Variants in CACNA1H observed in about 807,000 individuals in gnomAD.
The protein encoded by CACNA1H is voltage-dependent T-type calcium channel subunit alpha-1H.
A neutral mutation model predicts 192.5 loss-of-function variants in CACNA1H; 149 were observed. The ratio of observed to expected loss-of-function variants is 0.77; its 90% CI spans 0.68 to 0.89. The LOEUF (loss-of-function observed/expected upper bound fraction) is 0.89. Among genes scored for constraint, CACNA1H ranks in the 40% least tolerant of loss-of-function variants. The pLI, the probability that CACNA1H is intolerant of heterozygous loss-of-function variation, is 0.00. For missense variants in CACNA1H, 4,257 were observed against 3,423.5 expected (o/e 1.24, Z -6.08); for synonymous variants, 2,202 against 1,475.2 (o/e 1.49, Z -11.29).
chr16:1,158,885 C>A (rs1435293290), intron 2 of CACNA1H, among the ~76,000 whole-genome samples: 1 of 151,954 alleles, frequency 6.6e-6, no homozygotes, highest in Non-Finnish European at 1.5e-5. Flanking sequence ...CGCAGGGCCC[C>A]CGCTCAGCCC....
intron 2 of CACNA1H, among the ~76,000 whole-genome samples, chr16:1,182,234 A>C (rs934638468): frequency 3.1e-4 from 47 of 152,238 alleles, no homozygotes; most frequent in African/African-American, 1.0e-3. Context: ...GCCTCAGCCC[A>C]CCTGGGTGCA....
intron 2 of CACNA1H, among the ~76,000 whole-genome samples, chr16:1,187,250 CA>C (rs1180993669): frequency 6.6e-6 from 1 of 152,234 alleles, no homozygotes; most frequent in Non-Finnish European, 1.5e-5. Flanking sequence ...GCAGAGCGGA[CA>C]GGGAGGGAGC....
chr16:1,158,376 A>G (rs1206097433), intron 2 of CACNA1H, among the ~76,000 whole-genome samples: 1 of 151,312 alleles, frequency 6.6e-6, no homozygotes, highest in Admixed American at 6.6e-5. Context: ...ACGACAGGGT[A>G]GGGGGTCCGC....
rs569613021 is a variant in CACNA1H, at chr16:1,183,424, G to A, written c.300-11548G>A. On this transcript the variant is annotated intron_variant, in intron 2 of 34. Transcript: ENST00000348261. ...CCTCCTGGCCCCTCCCCCCAGCCCT[G>A]ACCGGGCTTCCTCCTCCCTTGTCTC... is the stretch of plus-strand genomic sequence containing the variant. Among the ~76,000 whole-genome samples the A allele has an allele frequency of 2.8e-3, 424 of 152,290 alleles. 1 individual carries two copies. The highest frequency in any genetic ancestry group is 4.3e-3 in the Non-Finnish European group (295 of 67,984).
Position 1,211,282 on chromosome 16 carries a change from T to C in CACNA1H, c.4338T>C (p.Ile1446=), listed in dbSNP as rs4984637. ...ICCAFFIIFG[I]LGVQLFKGKF... ...GCGCCTTCTTCATCATTTTTGGCAT[T>C]TTGGGTGTGCAGGTGTGTGGCCCCC... is the stretch of plus-strand genomic sequence containing the variant. The change falls in exon 22 of 35, where the codon ATT becomes ATC. Residue 1446 remains isoleucine (I), a synonymous_variant. Transcript: ENST00000348261. 0.83 allele frequency: 1,333,299 copies of C among 1,612,988 alleles called. 553,382 individuals are homozygous for C. Among genetic ancestry groups the C allele is most frequent in the East Asian group, 1 (44,831 of 44,866 alleles).
rs1302874992 is a variant in CACNA1H at position 1,189,477 on chromosome 16, C to G, written c.300-5495C>G. On this transcript the variant is annotated intron_variant, in intron 2 of 34. Transcript: ENST00000348261. ...CGTCACCCAGCCTGGAGTGCAGTGG[C>G]ACGATCGTGGCTCACTGTAGCTTCC... Among the ~76,000 whole-genome samples the G allele has an allele frequency of 2.2e-5, 3 of 133,980 alleles. No individual in the cohort carries two copies. The Admixed American group carries it at 2.6e-4, about 12-fold the overall frequency. 87.9% of individuals were successfully genotyped at this position (133,980 alleles called of 152,430 possible).
Position 1,218,586 on chromosome 16 carries a change from C to T in CACNA1H, c.5822C>T (p.Ser1941Leu), listed in dbSNP as rs1291910282. ...ATGTTCAGGCCCGTGGTGCCTGCCT[C>T]GGCGCCCCACCCCCGCCCGCTGCAG... ...SYMFRPVVPA[S>L]APHPRPLQEV... Residue 1941 changes from serine to leucine, a missense_variant, in exon 33 of 35, where the codon TCG becomes TTG. Transcript: ENST00000348261. 22 of 1,565,424 alleles carry T rather than the reference C, an allele frequency of 1.4e-5. No homozygotes were observed. Among genetic ancestry groups the T allele is most frequent in the East Asian group, 2.4e-5 (1 of 42,300 alleles).
At position 1,194,954 on chromosome 16, in the gene CACNA1H, C is replaced by CA; in HGVS notation, c.300-18_300-17insA. 6.3e-7 allele frequency: 1 copy of CA among 1,591,344 alleles called. No individual in the cohort carries two copies. On this transcript the variant is annotated splice_polypyrimidine_tract_variant and intron_variant, in intron 2 of 34. Transcript: ENST00000348261. ...GGTCCCGGGCCGCGCCGGTGTGCTC[C>CA]TTAACCCGCGGCGACACATGGTTCG...
At chr16:1,165,215 A>T (rs1963635813) in intron 2 of CACNA1H, among the ~76,000 whole-genome samples, 1 of 152,120 alleles carries the variant, frequency 6.6e-6, no homozygotes, top group Admixed American at 6.5e-5. Context: ...CAGAGAGCAC[A>T]CGAGGCACAG....
In CACNA1H at chr16:1,220,800, C is replaced by G. The variant is rs1970426309; in HGVS notation, c.6868C>G (p.Pro2290Ala). 3.1e-6 allele frequency: 5 copies of G among 1,612,648 alleles called. No homozygotes were observed. The highest frequency in any genetic ancestry group is 2.7e-5 in the African/African-American group (2 of 74,910). The change falls in exon 35 of 35, where the codon CCA becomes GCA. Residue 2290 changes from proline to alanine, a missense_variant. Pro to Ala is a conservative substitution (Grantham distance 27). Transcript: ENST00000348261. ...PFLDGSHSVT[P>A]ESRASSSGAI... is the part of the protein sequence containing the mutation. ...CTTGGACGGTAGCCACAGTGTGACC[C>G]CAGAATCCAGAGCTTCCTCTTCAGG...
chr16:1,175,036 G>A (rs1481090700), intron 2 of CACNA1H, among the ~76,000 whole-genome samples: 1 of 152,000 alleles, frequency 6.6e-6, no homozygotes, highest in Non-Finnish European at 1.5e-5. Context: ...CAGCTAGGTG[G>A]TGGCTCCGTG....
At chr16:1,206,958 A>T (rs764091786) in intron 12 of CACNA1H, 43 bp from the exon 13 acceptor site, 14 of 557,478 alleles carry the variant, frequency 2.5e-5, no homozygotes, top group Non-Finnish European at 3.4e-5. Flanking sequence ...CGCTCAGCAC[A>T]CCCCTGCCTC....
intron 12 of CACNA1H, chr16:1,206,716 C>T (rs936018549): frequency 1.7e-5 from 8 of 469,838 alleles, no homozygotes; most frequent in African/African-American, 1.6e-4. Context: ...GGCAGGTGTC[C>T]CAGGTTCCAG....
At position 1,215,337 on chromosome 16, in the gene CACNA1H, CCAT is replaced by C. The variant is rs1335523125; in HGVS notation, c.5140_5142del (p.Ile1714del). On this transcript the variant is annotated inframe_deletion, in exon 29 of 35. Transcript: ENST00000348261. ...AGCGCCGCGCTGCCCATCAACCCCACCATCATCCGCATCATGCGCGTGCTTCGC... is the reference window on the plus strand; with the variant it reads ...AGCGCCGCGCTGCCCATCAACCCCACCATCCGCATCATGCGCGTGCTTCGC... The C allele has an allele frequency of 1.2e-6, 2 of 1,611,998 alleles. No individual in the cohort carries two copies. Among genetic ancestry groups the C allele is most frequent in the African/African-American group, 2.7e-5 (2 of 74,924 alleles).
chr16:1,200,687 G>T lies in CACNA1H; in HGVS notation c.1120-29G>T, dbSNP rs575226771. The T allele has an allele frequency of 3.2e-6, 5 of 1,566,306 alleles. No individual in the cohort carries two copies. The African/African-American group carries it at 4.1e-5, about 13-fold the overall frequency. Reference sequence around the variant, plus strand: ...CGGGGAGGAGGAGGAGGGGTCGTGCGGGCCCAAGTCAAGCCACTGCCCCCC... The same window carrying T: ...CGGGGAGGAGGAGGAGGGGTCGTGCTGGCCCAAGTCAAGCCACTGCCCCCC... On this transcript the variant is annotated intron_variant, in intron 7 of 34. Coordinates refer to ENST00000348261, the MANE Select transcript of CACNA1H (RefSeq NM_021098.3).
At chr16:1,218,677 G>A in intron 33 of CACNA1H, 26 bp downstream of exon 33, 2 of 1,511,874 alleles carry the variant, frequency 1.3e-6, no homozygotes, top group East Asian at 2.4e-5. Flanking sequence ...GGAAGATATG[G>A]GCTGGGTGGG....
Position 1,207,402 on chromosome 16 carries a change from C to T in CACNA1H, c.3035C>T (p.Ala1012Val). 1 of 1,613,144 alleles carries T rather than the reference C, an allele frequency of 6.2e-7. No individual in the cohort carries two copies. Among genetic ancestry groups the T allele is most frequent in the Non-Finnish European group, 8.5e-7 (1 of 1,179,790 alleles). The change falls in exon 14 of 35, where the codon GCC becomes GTC. Residue 1012 changes from alanine (A) to valine (V), a missense_variant. By Grantham distance (64) the Ala-to-Val change is moderately conservative. Coordinates refer to ENST00000348261, the MANE Select transcript of CACNA1H (RefSeq NM_021098.3). ...TATGTGCTCTTCAACCTGCTGGTGG[C>T]CATCCTCGTGGAGGGCTTCCAGGCG... Reference protein sequence around the residue: ...GNYVLFNLLVAILVEGFQAEG... With the variant: ...GNYVLFNLLVVILVEGFQAEG...
rs896586871 is a variant in CACNA1H, at chr16:1,156,771, G to C, written c.299+2735G>C. Among the ~76,000 whole-genome samples, 8 of 152,052 alleles carry C rather than the reference G, an allele frequency of 5.3e-5. No individual in the cohort carries two copies. In the South Asian group the frequency reaches 1.2e-3, roughly 24 times the overall value. ...TGTCCGCCGGGCCCAGCCTGAGCCGGGGTTCAGTCAGCACAGGAACCTGGG... is the reference window on the plus strand; with the variant it reads ...TGTCCGCCGGGCCCAGCCTGAGCCGCGGTTCAGTCAGCACAGGAACCTGGG... On this transcript the variant is annotated intron_variant, in intron 2 of 34. Coordinates refer to ENST00000348261, the MANE Select transcript of CACNA1H (RefSeq NM_021098.3).
Position 1,220,433 on chromosome 16 carries a change from GGC to G in CACNA1H, c.6503_6504del (p.Ala2168GlufsTer6). The G allele has an allele frequency of 6.5e-7, 1 of 1,536,704 alleles. No homozygotes were observed. The highest frequency in any genetic ancestry group is 8.7e-7 in the Non-Finnish European group (1 of 1,150,488). ...AELGSGEPGEAKAWGPEAEPA... is the reference protein window; with the variant it reads ...AELGSGEPGEXKAWGPEAEPA... ...AGCTGGGCAGCGGGGAGCCTGGGGA[GGC>G]GAAGGCCTGGGGCCCTGAGGCCGAG... On this transcript the variant is annotated frameshift_variant, in exon 35 of 35. Transcript: ENST00000348261. LOFTEE classifies it low-confidence loss of function (END_TRUNC).
Sources: gnomAD v4.1 joint callset for allele counts (sites outside exome capture counted in the v4.1 genomes callset) on GRCh38, gnomAD v4.1.1 for gene constraint, MANE v1.5 for transcripts, NCBI Gene and HGNC (gene_info 2026-07-23, HGNC 2026-07-21) for gene names.